The following RIOK3 variants were observed in gnomAD, a reference collection of about 807,000 sequenced individuals.
RIOK3 encodes RIO kinase 3.
In RIOK3, 40 loss-of-function variants were observed where a neutral mutation model predicts 63.5. The observed-to-expected ratio is 0.63, with a 90% CI of 0.49 to 0.82. The LOEUF (loss-of-function observed/expected upper bound fraction) is 0.82. RIOK3 is among the 40% of genes least tolerant of loss of function. The pLI is 0.00. For synonymous variants in RIOK3, 193 were observed against 205.0 expected (o/e 0.94, Z 0.50); for missense variants, 557 against 637.0 (o/e 0.87, Z 1.35).
In RIOK3 at chr18:23,478,676, A is replaced by G. The variant is rs371927914; in HGVS notation, c.1345-641A>G. Among the ~76,000 whole-genome samples, 1,058 of 145,894 alleles carry G rather than the reference A, an allele frequency of 7.3e-3. 13 individuals carry two copies. The highest frequency in any genetic ancestry group is 0.026 in the African/African-American group (1,007 of 38,764). On this transcript the variant is annotated intron_variant, in intron 11 of 12. Coordinates refer to ENST00000339486, the MANE Select transcript of RIOK3 (RefSeq NM_003831.5). ...ATATATATGGTAAAATTTAGTAAGCACAGGGTTGGGTCACACTTGTTTGGC... is the reference window on the plus strand; with the variant it reads ...ATATATATGGTAAAATTTAGTAAGCGCAGGGTTGGGTCACACTTGTTTGGC...
chr18:23,457,154 T>C (rs1304076025), intron 1 of RIOK3, among the ~76,000 whole-genome samples: 1 of 152,104 alleles, frequency 6.6e-6, no homozygotes, highest in African/African-American at 2.4e-5. Flanking sequence ...TGAATGGGTG[T>C]TGGGGATCCT....
Position 23,481,375 on chromosome 18 carries a change from G to C in RIOK3, c.*96G>C. 1.4e-6 allele frequency: 1 copy of C among 732,232 alleles called. No individual in the cohort carries two copies. The highest frequency in any genetic ancestry group is 2.2e-6 in the Non-Finnish European group (1 of 448,292). 45.4% of individuals were successfully genotyped at this position (732,232 alleles called of 1,614,324 possible). ...GTGACTTGAAATACCAAAACCTGAG[G>C]AGTGGGCAATGGTGCTTCTGTGCTT... On this transcript the variant is annotated 3_prime_UTR_variant, in exon 13 of 13. Transcript: ENST00000339486.
Position 23,479,432 on chromosome 18 carries a change from A to AT in RIOK3, c.1452+9dup, listed in dbSNP as rs770235868. The AT allele has an allele frequency of 6.4e-7, 1 of 1,566,632 alleles. No individual in the cohort carries two copies. The highest frequency in any genetic ancestry group is 1.1e-5 in the South Asian group (1 of 89,944). ...GCTGATTTTTTAGCTGAGGTATGTG[A>AT]TAAACAGCTGTTTTTCACCTTGCTG... On this transcript the variant is annotated intron_variant, in intron 12 of 12. Coordinates refer to ENST00000339486, the MANE Select transcript of RIOK3 (RefSeq NM_003831.5).
At chr18:23,467,096 A>G (rs1455552761) in intron 6 of RIOK3, among the ~76,000 whole-genome samples, 1 of 151,764 alleles carries the variant, frequency 6.6e-6, no homozygotes, top group Non-Finnish European at 1.5e-5. Flanking sequence ...CGGGCGGATC[A>G]TGAGGTCAGG....
At chr18:23,457,280 G>A (rs2057347022) in intron 1 of RIOK3, among the ~76,000 whole-genome samples, 1 of 152,168 alleles carries the variant, frequency 6.6e-6, no homozygotes, top group Admixed American at 6.6e-5. Flanking sequence ...AAGTGAGGAA[G>A]TGTGTAGCTC....
At position 23,479,437 on chromosome 18, in the gene RIOK3, C is replaced by T. The variant is rs1364383049; in HGVS notation, c.1452+13C>T. On this transcript the variant is annotated intron_variant, in intron 12 of 12. Transcript: ENST00000339486. ...TTTTTTAGCTGAGGTATGTGATAAA[C>T]AGCTGTTTTTCACCTTGCTGGTCAT... 5 of 1,553,034 alleles carry T rather than the reference C, an allele frequency of 3.2e-6. No homozygotes were observed. Among genetic ancestry groups the T allele is most frequent in the Middle Eastern group, 1.7e-4 (1 of 5,940 alleles).
intron 12 of RIOK3, among the ~76,000 whole-genome samples, chr18:23,479,922 A>G (rs922500248): frequency 5.9e-5 from 9 of 151,908 alleles, no homozygotes; most frequent in Non-Finnish European, 8.8e-5. Context: ...ACAGCAAAAC[A>G]TTTCTTCACG....
intron 5 of RIOK3, among the ~76,000 whole-genome samples, chr18:23,465,326 G>A (rs969055968): frequency 3.3e-5 from 5 of 152,004 alleles, no homozygotes; most frequent in African/African-American, 1.2e-4. Context: ...AGCCGAGATC[G>A]TGCCACTTCA....
rs1229473313 is a variant in RIOK3 at position 23,466,191 on chromosome 18, A to G, written c.602A>G (p.His201Arg). 6.8e-6 allele frequency: 11 copies of G among 1,611,078 alleles called. No homozygotes were observed. Among genetic ancestry groups the G allele is most frequent in the Non-Finnish European group, 9.3e-6 (11 of 1,178,742 alleles). The change falls in exon 6 of 13, where the codon CAT becomes CGT. Residue 201 changes from histidine to arginine, a missense_variant. Around this residue, in one of 3 missense-constraint regions of RIOK3, gnomAD observed 243 missense variants for 275.4 expected, o/e 0.88. Coordinates refer to ENST00000339486, the MANE Select transcript of RIOK3 (RefSeq NM_003831.5). Reference protein sequence around the residue: ...GIGMDLKLSNHVFNALKQHAY... With the variant: ...GIGMDLKLSNRVFNALKQHAY... The stretch of plus-strand genomic sequence containing the variant: ...GGAATGGATTTAAAACTATCAAACC[A>G]TGTTTTCAATGCTTTAAAACAACAT...
At position 23,476,791 on chromosome 18, in the gene RIOK3, A is replaced by T. The variant is rs1329112031; in HGVS notation, c.1174-215A>T. On this transcript the variant is annotated intron_variant, in intron 9 of 12. Transcript: ENST00000339486. ...GCCAGGAGTGGTGGTGGGTGCCTGT[A>T]GTCCGAGCTACTTGGGAGGCTGAGG... 2.6e-5 allele frequency among the ~76,000 whole-genome samples: 4 copies of T among 152,298 alleles called. No homozygotes were observed. The East Asian group carries it at 5.8e-4, about 22-fold the overall frequency.
chr18:23,465,166 G>A (rs902992014), intron 5 of RIOK3, among the ~76,000 whole-genome samples: 4 of 152,182 alleles, frequency 2.6e-5, no homozygotes, highest in African/African-American at 9.7e-5. Context: ...GAGGTCAGGA[G>A]TTCAAGACCA....
intron 11 of RIOK3, among the ~76,000 whole-genome samples, chr18:23,477,786 T>A (rs1330464911): frequency 2.8e-4 from 33 of 116,334 alleles, no homozygotes; most frequent in Admixed American, 5.4e-4. Flanking sequence ...AAAAAAAAAA[T>A]ATGCCAGGTG....
chr18:23,473,617 A>G lies in RIOK3; in HGVS notation c.1004A>G (p.Asn335Ser), dbSNP rs1394626906. 14 of 1,611,744 alleles carry G rather than the reference A, an allele frequency of 8.7e-6. No homozygotes were observed. Among genetic ancestry groups the G allele is most frequent in the Admixed American group, 1.7e-5 (1 of 59,816 alleles). The stretch of plus-strand genomic sequence containing the variant: ...ATGTGGGCAGAAAAAGAAATGCACA[A>G]TCTCGCAAGGTAAAGAAAATATTGT... Reference protein sequence around the residue: ...IRMWAEKEMHNLARMQRAGIP... With the variant: ...IRMWAEKEMHSLARMQRAGIP... Residue 335 changes from asparagine (N) to serine (S), a missense_variant, in exon 8 of 13, where the codon AAT (asparagine) becomes AGT (serine). Asn to Ser is a conservative substitution (Grantham distance 46, BLOSUM62 1). Transcript: ENST00000339486.
chr18:23,465,882 T>C (rs1568382732), intron 5 of RIOK3, among the ~76,000 whole-genome samples: 1 of 152,216 alleles, frequency 6.6e-6, no homozygotes, highest in Non-Finnish European at 1.5e-5. Context: ...CGAAAGACCT[T>C]AGTTTTGGAT....
At chr18:23,466,338 G>A in intron 6 of RIOK3, 62 bp downstream of exon 6, 1 of 1,310,680 alleles carries the variant, frequency 7.6e-7, no homozygotes, top group South Asian at 1.6e-5. Flanking sequence ...AGAAAACTTT[G>A]GGTAAAGAAA....
At position 23,481,425 on chromosome 18, in the gene RIOK3, G is replaced by C; in HGVS notation, c.*146G>C. ...TTTCCCCCTTGTAACCCATGTGCCA[G>C]ATGTGTGGAATTTTTAGCTCAGCAT... On this transcript the variant is annotated 3_prime_UTR_variant, in exon 13 of 13. Coordinates refer to ENST00000339486, the MANE Select transcript of RIOK3 (RefSeq NM_003831.5). 1 of 541,776 alleles carries C rather than the reference G, an allele frequency of 1.8e-6. No homozygotes were observed. Among genetic ancestry groups the C allele is most frequent in the Non-Finnish European group, 3.2e-6 (1 of 309,682 alleles). The allele number at this position is 541,776 out of a possible 1,614,324, so 33.6% of individuals were successfully genotyped here.
chr18:23,467,499 C>A lies in RIOK3; in HGVS notation c.788C>A (p.Ser263Tyr). 5 of 1,613,304 alleles carry A rather than the reference C, an allele frequency of 3.1e-6. No individual in the cohort carries two copies. The highest frequency in any genetic ancestry group is 4.2e-6 in the Non-Finnish European group (5 of 1,179,494). ...ITGCISTGKE[S>Y]VVFHAYGGSM... ...GGCTGTATTAGTACAGGAAAGGAGT[C>A]TGTTGTCTTTCATGCATATGGAGGG... The change falls in exon 7 of 13, where the codon TCT (serine) becomes TAT (tyrosine). Residue 263 changes from serine (S) to tyrosine (Y), a missense_variant. Physicochemically the swap from Ser to Tyr is moderately radical, Grantham distance 144 (BLOSUM62 -2). Transcript: ENST00000339486.
intron 2 of RIOK3, chr18:23,463,364 A>G (rs2062650): frequency 0.044 from 9,507 of 216,464 alleles, 347 homozygotes; most frequent in South Asian, 0.16. Flanking sequence ...TTTCATGAAT[A>G]TGTATCTATT....
intron 11 of RIOK3, chr18:23,479,097 G>A (rs1056404781): frequency 1.4e-5 from 6 of 421,488 alleles, no homozygotes; most frequent in African/African-American, 9.9e-5. Flanking sequence ...TAACAGGAGT[G>A]AGCCGCCATG....
Sources: gnomAD v4.1 joint callset for allele counts (sites outside exome capture counted in the v4.1 genomes callset) on GRCh38, gnomAD v4.1.1 for gene constraint, gnomAD v4.1.1 regional missense constraint, MANE v1.5 for transcripts, NCBI Gene and HGNC (gene_info 2026-07-23, HGNC 2026-07-21) for gene names.